Variants in ADAMTS12 observed in about 807,000 individuals in gnomAD.
ADAMTS12 encodes A disintegrin and metalloproteinase with thrombospondin motifs 12.
Under a neutral mutation model 167.8 loss-of-function variants are expected in ADAMTS12, and 118 were observed. That is an observed-to-expected ratio of 0.70 (90% CI 0.61 to 0.82). ADAMTS12 has a LOEUF of 0.82. Ranked by LOEUF, ADAMTS12 falls within the 40% of genes least tolerant of loss-of-function variation. ADAMTS12 has a pLI of 0.00. For synonymous variants in ADAMTS12, 704 were observed against 716.9 expected (o/e 0.98, Z 0.29); for missense variants, 1,916 against 1,998.8 (o/e 0.96, Z 0.79).
At chr5:33,572,069 A>G (rs1258914427) in intron 19 of ADAMTS12, among the ~76,000 whole-genome samples, 4 of 152,214 alleles carry the variant, frequency 2.6e-5, no homozygotes, top group Non-Finnish European at 4.4e-5. Context: ...ATCTCTGAAT[A>G]GACCAATAAC....
intron 2 of ADAMTS12, among the ~76,000 whole-genome samples, chr5:33,780,212 C>A (rs187981717): frequency 5.3e-4 from 80 of 152,222 alleles, no homozygotes; most frequent in African/African-American, 1.9e-3. Flanking sequence ...TTTACCTTAA[C>A]AATTAAGCAT....
chr5:33,817,163 A>C (rs910159990), intron 2 of ADAMTS12, among the ~76,000 whole-genome samples: 3 of 152,214 alleles, frequency 2.0e-5, no homozygotes, highest in Non-Finnish European at 4.4e-5. Context: ...GCAAGGTCAA[A>C]GCATGTGGTA....
chr5:33,835,943 CTCTCTCTCTCTGTGTGTGTGTG>C (rs1335589229), intron 2 of ADAMTS12, among the ~76,000 whole-genome samples: 3,242 of 46,730 alleles, frequency 0.069, 148 homozygotes, highest in African/African-American at 0.12. Context: ...CTCTCTCTCT[CTCTCTCTCTCTGTGTGTGTGTG>C]TGTGTCCATC....
chr5:33,705,302 T>TGTGTGTGCGC (rs1491430613), intron 3 of ADAMTS12, among the ~76,000 whole-genome samples: 8 of 147,646 alleles, frequency 5.4e-5, no homozygotes, highest in African/African-American at 1.7e-4. Flanking sequence ...TGTGTGTGTG[T>TGTGTGTGCGC]GCGTGTATAC....
chr5:33,824,703 G>C (rs1561292107), intron 2 of ADAMTS12, among the ~76,000 whole-genome samples: 1 of 152,172 alleles, frequency 6.6e-6, no homozygotes, highest in Non-Finnish European at 1.5e-5. Flanking sequence ...AAAGGCTCGT[G>C]ACAGTGTTGC....
intron 13 of ADAMTS12, among the ~76,000 whole-genome samples, chr5:33,626,346 T>A (rs1039678271): frequency 5.5e-5 from 8 of 146,774 alleles, no homozygotes. Context: ...GTGGTAGTAG[T>A]GGTGGTGATG....
intron 2 of ADAMTS12, among the ~76,000 whole-genome samples, chr5:33,762,513 A>T (rs1001859082): frequency 2.3e-4 from 35 of 152,170 alleles, no homozygotes; most frequent in Non-Finnish European, 2.6e-4. Flanking sequence ...ACCTCAAAAA[A>T]AAATAAATAA....
intron 2 of ADAMTS12, among the ~76,000 whole-genome samples, chr5:33,874,548 G>A (rs535070731): frequency 3.5e-4 from 54 of 152,254 alleles, no homozygotes; most frequent in African/African-American, 1.3e-3. Context: ...AAACATACTC[G>A]TACCATATAA....
chr5:33,835,268 G>A (rs981198017), intron 2 of ADAMTS12, among the ~76,000 whole-genome samples: 1 of 152,200 alleles, frequency 6.6e-6, no homozygotes, highest in Non-Finnish European at 1.5e-5. Flanking sequence ...CCCCAGTGAG[G>A]TCCATACTAA....
chr5:33,742,820 C>T (rs1021578040), intron 3 of ADAMTS12, among the ~76,000 whole-genome samples: 1 of 152,182 alleles, frequency 6.6e-6, no homozygotes, highest in African/African-American at 2.4e-5. Flanking sequence ...TCTTAGGCAA[C>T]TGAAGGATAC....
intron 5 of ADAMTS12, 83 bp downstream of exon 5, chr5:33,682,935 T>C: frequency 8.9e-7 from 1 of 1,129,582 alleles, no homozygotes; most frequent in Non-Finnish European, 1.3e-6. Context: ...ACCCTCTTTC[T>C]TGTCTACCAA....
chr5:33,805,852 C>T (rs568014760), intron 2 of ADAMTS12, among the ~76,000 whole-genome samples: 1 of 151,242 alleles, frequency 6.6e-6, no homozygotes, highest in South Asian at 2.1e-4. Context: ...TGTGCCATTG[C>T]ACTCCAGCCT....
In ADAMTS12 at chr5:33,649,630, ACATGATGTACGGATGTCTGCC is replaced by A. The variant is rs1740802948; in HGVS notation, c.1237_1257del (p.Gly413_Met419del). The A allele has an allele frequency of 1.2e-6, 2 of 1,614,026 alleles. No individual in the cohort carries two copies. Among genetic ancestry groups the A allele is most frequent in the Non-Finnish European group, 1.7e-6 (2 of 1,179,934 alleles). On this transcript the variant is annotated inframe_deletion, in exon 8 of 24. Transcript: ENST00000504830. The stretch of plus-strand genomic sequence containing the variant: ...GTGGGATCGTACTGGAGCTGGCGGG[ACATGATGTACGGATGTCTGCC>A]CACAGGCTCACAGTCATTTTCTTTC...
chr5:33,670,817 C>T (rs1267768975), intron 5 of ADAMTS12, among the ~76,000 whole-genome samples: 1 of 152,178 alleles, frequency 6.6e-6, no homozygotes, highest in African/African-American at 2.4e-5. Flanking sequence ...ATTCCTGTGC[C>T]TTTATTCCAG....
At chr5:33,627,933 A>T (rs1256637808) in intron 13 of ADAMTS12, among the ~76,000 whole-genome samples, 1 of 141,158 alleles carries the variant, frequency 7.1e-6, no homozygotes, top group African/African-American at 2.9e-5. Context: ...TGGATTGAAG[A>T]CATTGACTTT....
chr5:33,620,428 C>A (rs748153136), intron 14 of ADAMTS12, among the ~76,000 whole-genome samples: 1 of 152,194 alleles, frequency 6.6e-6, no homozygotes, highest in Non-Finnish European at 1.5e-5. Flanking sequence ...GGACAAATAT[C>A]CTCACATGGA....
At chr5:33,684,816 A>G (rs535790395) in intron 3 of ADAMTS12, among the ~76,000 whole-genome samples, 115 of 152,326 alleles carry the variant, frequency 7.5e-4, no homozygotes, top group African/African-American at 2.5e-3. Flanking sequence ...TAGAATGATA[A>G]AGAAAGTCAG....
intron 2 of ADAMTS12, among the ~76,000 whole-genome samples, chr5:33,795,862 A>G (rs893960531): frequency 1.6e-4 from 24 of 152,236 alleles, no homozygotes; most frequent in African/African-American, 5.5e-4. Context: ...AACAAAGCCC[A>G]GGCAAAAAAA....
Position 33,649,612 on chromosome 5 carries a change from C to T in ADAMTS12, c.1276G>A (p.Asp426Asn), listed in dbSNP as rs144557630. The change falls in exon 8 of 24, where the codon GAT (aspartate) becomes AAT (asparagine). Residue 426 changes from aspartate to asparagine, a missense_variant. Physicochemically the swap from Asp to Asn is conservative, Grantham distance 23. Transcript: ENST00000504830. ...PYIMSRQLQYDPTPLTWSKCS... is the reference protein window; with the variant it reads ...PYIMSRQLQYNPTPLTWSKCS... Reference sequence around the variant, plus strand: ...TTGGACCATGTCAGCGGAGTGGGATCGTACTGGAGCTGGCGGGACATGATG... The same window carrying T: ...TTGGACCATGTCAGCGGAGTGGGATTGTACTGGAGCTGGCGGGACATGATG... 58 of 1,613,946 alleles carry T rather than the reference C, an allele frequency of 3.6e-5. No individual in the cohort carries two copies. In the African/African-American group the frequency reaches 4.9e-4, roughly 14 times the overall value.
Sources: allele counts gnomAD v4.1 joint callset (sites outside exome capture counted in the v4.1 genomes callset), GRCh38; gene constraint gnomAD v4.1.1; transcripts MANE v1.5; gene names NCBI Gene and HGNC (gene_info 2026-07-23, HGNC 2026-07-21).